Variants in GABRG3 observed in about 807,000 individuals in gnomAD.
GABRG3 encodes the protein gamma-aminobutyric acid receptor subunit gamma-3.
Under a neutral mutation model 48.8 loss-of-function variants are expected in GABRG3, and 25 were observed. The observed-to-expected ratio is 0.51, with a 90% CI of 0.37 to 0.72. The LOEUF is 0.72. Ranked by LOEUF, GABRG3 falls within the 30% of genes least tolerant of loss-of-function variation. The pLI is 0.00. For synonymous variants in GABRG3, 227 were observed against 217.6 expected (o/e 1.04, Z -0.38); for missense variants, 394 against 577.9 (o/e 0.68, Z 3.26).
chr15:27,048,606 T>C (rs1030617), intron 3 of GABRG3, among the ~76,000 whole-genome samples: 20,996 of 152,188 alleles, frequency 0.14, 2,606 homozygotes, highest in African/African-American at 0.29. Flanking sequence ...AAACTGCCAC[T>C]GGAGCTAATA....
intron 3 of GABRG3, among the ~76,000 whole-genome samples, chr15:27,124,787 G>T (rs1432609037): frequency 6.6e-6 from 1 of 152,176 alleles, no homozygotes; most frequent in Non-Finnish European, 1.5e-5. Flanking sequence ...GCCCCATAAA[G>T]GTTATCTCTG....
At chr15:27,509,131 A>T (rs1421437362) in intron 6 of GABRG3, among the ~76,000 whole-genome samples, 1 of 152,180 alleles carries the variant, frequency 6.6e-6, no homozygotes, top group African/African-American at 2.4e-5. Context: ...AAACTTAAAG[A>T]TTTTATTCCA....
intron 5 of GABRG3, among the ~76,000 whole-genome samples, chr15:27,419,583 G>A (rs888834124): frequency 3.3e-5 from 5 of 152,216 alleles, no homozygotes; most frequent in East Asian, 1.9e-4. Context: ...GGTACTAAAC[G>A]GAGAATTATT....
intron 3 of GABRG3, among the ~76,000 whole-genome samples, chr15:27,295,760 C>G (rs1566761208): frequency 6.6e-6 from 1 of 152,182 alleles, no homozygotes; most frequent in African/African-American, 2.4e-5. Context: ...TTGTAACTCT[C>G]AGAGTCTACA....
chr15:27,279,450 G>A (rs1305171945), intron 3 of GABRG3, among the ~76,000 whole-genome samples: 1 of 149,512 alleles, frequency 6.7e-6, no homozygotes, highest in Non-Finnish European at 1.5e-5. Context: ...TAAAGTATGA[G>A]ACTTAGTTTT....
chr15:27,134,598 C>T (rs1238990604), intron 3 of GABRG3, among the ~76,000 whole-genome samples: 1 of 152,150 alleles, frequency 6.6e-6, no homozygotes, highest in Non-Finnish European at 1.5e-5. Flanking sequence ...CCATGCCCGG[C>T]TTCTCCTTTC....
chr15:27,516,891 A>G (rs1891031873), intron 6 of GABRG3, among the ~76,000 whole-genome samples: 1 of 152,264 alleles, frequency 6.6e-6, no homozygotes, highest in Non-Finnish European at 1.5e-5. Context: ...AAATAAAACA[A>G]GTATTTGGGA....
At chr15:26,991,614 T>C (rs1229029022) in intron 2 of GABRG3, among the ~76,000 whole-genome samples, 1 of 152,226 alleles carries the variant, frequency 6.6e-6, no homozygotes, top group Non-Finnish European at 1.5e-5. Flanking sequence ...CAGTGTTTCA[T>C]AGTTTTTATT....
In GABRG3 at chr15:27,017,884, A is replaced by G. The variant is rs1895809086; in HGVS notation, c.203-8870A>G. ...TTGCTGGTGTCACTTTGTTCATGTC[A>G]CTCAGGTACAGTGAGGTTTGTCAAG... is the stretch of plus-strand genomic sequence containing the variant. On this transcript the variant is annotated intron_variant, in intron 2 of 9. Coordinates refer to ENST00000615808, the MANE Select transcript of GABRG3 (RefSeq NM_033223.5). 3.3e-5 allele frequency among the ~76,000 whole-genome samples: 5 copies of G among 151,996 alleles called. 1 individual carries two copies. The South Asian group carries it at 1.0e-3, about 32-fold the overall frequency.
At chr15:27,471,994 C>A (rs1453477838) in intron 5 of GABRG3, among the ~76,000 whole-genome samples, 1 of 152,116 alleles carries the variant, frequency 6.6e-6, no homozygotes. Context: ...AGTTAATAAT[C>A]TTCTTATTGA....
chr15:27,430,373 T>A (rs72705762), intron 5 of GABRG3, among the ~76,000 whole-genome samples: 3,524 of 152,304 alleles, frequency 0.023, 65 homozygotes, highest in South Asian at 0.08. Flanking sequence ...ACTAATGGTA[T>A]CCTTTGAATC....
intron 3 of GABRG3, among the ~76,000 whole-genome samples, chr15:27,186,475 G>C (rs1282293427): frequency 1.3e-5 from 2 of 152,108 alleles, no homozygotes; most frequent in Non-Finnish European, 2.9e-5. Context: ...ATAAACATGT[G>C]GGTGCATCGT....
rs1261834020 is a variant in GABRG3 at position 27,313,296 on chromosome 15, A to G, written c.271-13513A>G. Among the ~76,000 whole-genome samples, 48 of 112,708 alleles carry G rather than the reference A, an allele frequency of 4.3e-4. 3 individuals are homozygous for G. The South Asian group carries it at 7.3e-3, about 17-fold the overall frequency. 73.9% of individuals were successfully genotyped at this position (112,708 alleles called of 152,430 possible). On this transcript the variant is annotated intron_variant, in intron 3 of 9. Transcript: ENST00000615808. ...TATATATATATATATATATATATAT[A>G]TATATATATATATACCCAACATCAG...
chr15:27,289,767 A>C (rs370304466), intron 3 of GABRG3, among the ~76,000 whole-genome samples: 2 of 152,164 alleles, frequency 1.3e-5, no homozygotes, highest in South Asian at 4.1e-4. Flanking sequence ...TGTATGTGTT[A>C]ATGATTTATA....
At chr15:27,131,341 T>G (rs922374189) in intron 3 of GABRG3, among the ~76,000 whole-genome samples, 1 of 152,114 alleles carries the variant, frequency 6.6e-6, no homozygotes, top group Non-Finnish European at 1.5e-5. Context: ...TTGCACTGAT[T>G]GATTTTTTTA....
At chr15:27,084,023 G>A (rs1897034888) in intron 3 of GABRG3, among the ~76,000 whole-genome samples, 1 of 152,162 alleles carries the variant, frequency 6.6e-6, no homozygotes, top group Admixed American at 6.5e-5. Flanking sequence ...CTGGGCTGGA[G>A]GCACAGTGGA....
chr15:27,262,879 CTCTT>C (rs1465747185), intron 3 of GABRG3, among the ~76,000 whole-genome samples: 1 of 152,124 alleles, frequency 6.6e-6, no homozygotes, highest in Non-Finnish European at 1.5e-5. Context: ...TATATGTTTC[CTCTT>C]TCTTTCTTCA....
At chr15:27,007,128 G>A (rs779455476) in intron 2 of GABRG3, among the ~76,000 whole-genome samples, 4 of 150,934 alleles carry the variant, frequency 2.7e-5, no homozygotes, top group Admixed American at 6.6e-5. Flanking sequence ...CATCCTGGCT[G>A]GAGCACAGTG....
chr15:27,195,823 C>T (rs1276252483), intron 3 of GABRG3, among the ~76,000 whole-genome samples: 8 of 152,018 alleles, frequency 5.3e-5, no homozygotes, highest in Admixed American at 1.3e-4. Context: ...TTAGTAGAGA[C>T]GGGGTTTCAC....
Sources: gnomAD v4.1 joint callset for allele counts (sites outside exome capture counted in the v4.1 genomes callset) on GRCh38, gnomAD v4.1.1 for gene constraint, MANE v1.5 for transcripts, NCBI Gene and HGNC (gene_info 2026-07-23, HGNC 2026-07-21) for gene names.